CEP126: variants seen among roughly 807,000 people sequenced by gnomAD.
The protein encoded by CEP126 is centrosomal protein of 126 kDa.
A neutral mutation model predicts 107.8 loss-of-function variants in CEP126; 74 were observed. The ratio of observed to expected loss-of-function variants is 0.69; its 90% CI spans 0.57 to 0.83. The LOEUF (loss-of-function observed/expected upper bound fraction) is 0.83, where lower values mean the gene tolerates loss of function less well. Ranked by LOEUF, CEP126 falls within the 40% of genes least tolerant of loss-of-function variation. The pLI is 0.00. For synonymous variants in CEP126, 449 were observed against 446.0 expected, an observed-to-expected ratio of 1.01 and a Z score of -0.08; for missense variants, 1,237 against 1,281.9, an observed-to-expected ratio of 0.96 and a Z score of 0.53.
intron 9 of CEP126, among the ~76,000 whole-genome samples, chr11:101,990,427 A>G (rs1194055067): frequency 6.6e-6 from 1 of 152,184 alleles, no homozygotes; most frequent in Admixed American, 6.5e-5. Flanking sequence ...GGGGCTAGTG[A>G]AACAGTAAAG....
intron 2 of CEP126, among the ~76,000 whole-genome samples, chr11:101,939,599 G>A (rs2137092466): frequency 6.6e-6 from 1 of 152,304 alleles, no homozygotes; most frequent in Admixed American, 6.5e-5. Context: ...AGTTTACCAT[G>A]ATTTCACTCA....
chr11:101,950,775 G>T (rs1940801709), intron 4 of CEP126, among the ~76,000 whole-genome samples: 1 of 152,190 alleles, frequency 6.6e-6, no homozygotes, highest in Non-Finnish European at 1.5e-5. Flanking sequence ...TGTTGCTGAT[G>T]GGACAGGGGA....
chr11:101,988,733 C>T (rs1484964960), intron 9 of CEP126, among the ~76,000 whole-genome samples: 1 of 151,548 alleles, frequency 6.6e-6, no homozygotes, highest in Admixed American at 6.6e-5. Context: ...AAAATATGTT[C>T]AGACAAAAAC....
chr11:101,961,887 A>T lies in CEP126; in HGVS notation c.852A>T (p.Lys284Asn), dbSNP rs771282935. ...TSIQRNTISL[K>N]PANMQSTNLS... Reference sequence around the variant, plus strand: ...TCCAGCGGAATACCATTTCCCTCAAACCAGCAAATATGCAATCAACTAATC... The same window carrying T: ...TCCAGCGGAATACCATTTCCCTCAATCCAGCAAATATGCAATCAACTAATC... The change falls in exon 6 of 11, where the codon AAA (lysine) becomes AAT (asparagine). Residue 284 changes from lysine (K) to asparagine (N), a missense_variant. Physicochemically the swap from Lys to Asn is moderately conservative, Grantham distance 94 (BLOSUM62 0). Around this residue, in one of 3 missense-constraint regions of CEP126, gnomAD observed 1,134 missense variants for 1,150.5 expected, o/e 0.99. Coordinates refer to ENST00000263468, the MANE Select transcript of CEP126 (RefSeq NM_020802.4). 9 of 1,613,186 alleles carry T rather than the reference A, an allele frequency of 5.6e-6. No homozygotes were observed. Among genetic ancestry groups the T allele is most frequent in the African/African-American group, 1.3e-5 (1 of 74,918 alleles).
At chr11:101,938,171 A>AAAAAAAAAAAAAAC (rs1307777067) in intron 2 of CEP126, among the ~76,000 whole-genome samples, 8 of 144,590 alleles carry the variant, frequency 5.5e-5, no homozygotes, top group African/African-American at 2.0e-4. Flanking sequence ...AAAAAAAAAA[A>AAAAAAAAAAAAAAC]AAAAATACAA....
rs1800950484 is a variant in CEP126 at position 102,000,833 on chromosome 11, T to C, written c.*3190T>C. On this transcript the variant is annotated 3_prime_UTR_variant, in exon 11 of 11. Coordinates refer to ENST00000263468, the MANE Select transcript of CEP126 (RefSeq NM_020802.4). ...AATTTAGACGGTCTTCATTTTAAAA[T>C]TGGCATCAGGAAGGATTACCATGAA... The C allele has an allele frequency of 6.6e-6, 1 of 152,210 alleles. No individual in the cohort carries two copies. Among genetic ancestry groups the C allele is most frequent in the African/African-American group, 2.4e-5 (1 of 41,446 alleles). 9.4% of individuals were successfully genotyped at this position (152,210 alleles called of 1,614,324 possible).
At chr11:101,924,187 C>T (rs1278466770) in intron 2 of CEP126, among the ~76,000 whole-genome samples, 1 of 152,090 alleles carries the variant, frequency 6.6e-6, no homozygotes, top group Non-Finnish European at 1.5e-5. Flanking sequence ...GTTTTATTTT[C>T]CGTTACCCTA....
chr11:101,982,274 A>G (rs1031507923), intron 8 of CEP126, among the ~76,000 whole-genome samples: 8 of 152,198 alleles, frequency 5.3e-5, no homozygotes, highest in Admixed American at 2.0e-4. Flanking sequence ...ATTAAACTCC[A>G]TGTATTAAAT....
At chr11:101,976,297 T>C (rs1375379769) in intron 6 of CEP126, among the ~76,000 whole-genome samples, 6 of 152,232 alleles carry the variant, frequency 3.9e-5, no homozygotes, top group Non-Finnish European at 7.3e-5. Flanking sequence ...TGGTATCTCA[T>C]TGTGGTTTTG....
chr11:101,937,486 T>C (rs1940599839), intron 2 of CEP126, among the ~76,000 whole-genome samples: 1 of 152,230 alleles, frequency 6.6e-6, no homozygotes, highest in Non-Finnish European at 1.5e-5. Flanking sequence ...GTTTCAAATT[T>C]TGTAGCATTT....
At chr11:101,922,825 T>G in intron 2 of CEP126, 65 bp downstream of exon 2, 3 of 1,329,038 alleles carry the variant, frequency 2.3e-6, no homozygotes, top group South Asian at 1.3e-5. Flanking sequence ...ATAGTTTCTC[T>G]ACTTTGTAGC....
intron 9 of CEP126, among the ~76,000 whole-genome samples, chr11:101,990,314 A>C (rs1165449461): frequency 1.3e-5 from 2 of 152,132 alleles, no homozygotes; most frequent in African/African-American, 4.8e-5. Flanking sequence ...AAAGGCATGA[A>C]GCGCCCCCCA....
chr11:101,978,202 G>C (rs924377828), intron 6 of CEP126, 145 bp from the exon 7 acceptor site: 3 of 655,058 alleles, frequency 4.6e-6, no homozygotes, highest in Admixed American at 5.0e-5. Flanking sequence ...GAGCATATAA[G>C]AGGAGCTCAA....
At chr11:101,917,825 C>T (rs1476705583) in intron 1 of CEP126, among the ~76,000 whole-genome samples, 1 of 152,152 alleles carries the variant, frequency 6.6e-6, no homozygotes, top group Non-Finnish European at 1.5e-5. Flanking sequence ...TCAATAACTA[C>T]TATAGTCCTG....
At chr11:101,936,503 T>C (rs1452032656) in intron 2 of CEP126, among the ~76,000 whole-genome samples, 1 of 152,176 alleles carries the variant, frequency 6.6e-6, no homozygotes, top group Admixed American at 6.5e-5. Context: ...AATTATGTCG[T>C]CTGCAAATAA....
chr11:101,966,857 G>A (rs1218845061), intron 6 of CEP126, among the ~76,000 whole-genome samples: 3 of 151,632 alleles, frequency 2.0e-5, no homozygotes, highest in Admixed American at 6.6e-5. Flanking sequence ...TAAGGTTTGG[G>A]GTATGGATCC....
Position 101,962,915 on chromosome 11 carries a change from T to C in CEP126, c.1880T>C (p.Ile627Thr). 6.2e-7 allele frequency: 1 copy of C among 1,609,692 alleles called. No homozygotes were observed. ...KEKGAEIPKT[I>T]KKLRWFDETS... Reference sequence around the variant, plus strand: ...AAAGGTGCAGAAATTCCAAAGACCATTAAAAAACTGAGGTGGTTTGATGAA... The same window carrying C: ...AAAGGTGCAGAAATTCCAAAGACCACTAAAAAACTGAGGTGGTTTGATGAA... Residue 627 changes from isoleucine (I) to threonine (T), a missense_variant, in exon 6 of 11, where the codon ATT (isoleucine) becomes ACT (threonine). Ile to Thr is a moderately conservative substitution (Grantham distance 89). Transcript: ENST00000263468.
At chr11:101,995,584 G>C (rs1941432592) in intron 10 of CEP126, among the ~76,000 whole-genome samples, 1 of 152,166 alleles carries the variant, frequency 6.6e-6, no homozygotes, top group South Asian at 2.1e-4. Context: ...GAGTTCGTGG[G>C]GAAGGGGATC....
intron 6 of CEP126, among the ~76,000 whole-genome samples, chr11:101,973,087 C>T (rs1207152314): frequency 6.6e-6 from 1 of 152,126 alleles, no homozygotes; most frequent in Admixed American, 6.5e-5. Context: ...TTCTAGTTTC[C>T]TCCTTTTATG....
Sources: gnomAD v4.1 joint callset for allele counts (sites outside exome capture counted in the v4.1 genomes callset) on GRCh38, gnomAD v4.1.1 for gene constraint, gnomAD v4.1.1 regional missense constraint, MANE v1.5 for transcripts, NCBI Gene and HGNC (gene_info 2026-07-23, HGNC 2026-07-21) for gene names.